EYS: variants seen among roughly 807,000 people sequenced by gnomAD.
The protein encoded by EYS is EGF-like photoreceptor maintenance factor, also known as protein eyes shut homolog.
EYS carries 250 observed loss-of-function variants against 282.1 expected under a neutral mutation model. That is an observed-to-expected ratio of 0.89 (90% CI 0.80 to 0.98). The LOEUF is 0.98. Ranked by LOEUF, EYS falls within the 50% of genes least tolerant of loss-of-function variation. The pLI is 0.00. For missense variants in EYS, 4,016 were observed against 3,709.0 expected, an observed-to-expected ratio of 1.08 and a Z score of -2.15; for synonymous variants, 1,355 against 1,282.9, an observed-to-expected ratio of 1.06 and a Z score of -1.20.
chr6:64,590,688 T>C lies in EYS; in HGVS notation c.5179A>G (p.Lys1727Glu), dbSNP rs935326039. Reference sequence around the variant, plus strand: ...AACAGTGTATGAGATCCTTTACTTTTTTCCATGTCCAATAAGCTCTCTTGA... The same window carrying C: ...AACAGTGTATGAGATCCTTTACTTTCTTCCATGTCCAATAAGCTCTCTTGA... ...LNQESLLDME[K>E]SKGSHTLFKL... Residue 1727 changes from lysine to glutamate, a missense_variant, in exon 26 of 43, where the codon AAA becomes GAA. Transcript: ENST00000503581. The C allele has an allele frequency of 6.4e-7, 1 of 1,551,270 alleles. No individual in the cohort carries two copies. The highest frequency in any genetic ancestry group is 2.0e-5 in the Admixed American group (1 of 50,974).
intron 12 of EYS, among the ~76,000 whole-genome samples, chr6:65,178,288 C>T (rs746583117): frequency 1.3e-5 from 2 of 151,920 alleles, no homozygotes; most frequent in Non-Finnish European, 2.9e-5. Flanking sequence ...CGTACTGTTC[C>T]CTTTTCTCTA....
At chr6:63,783,560 A>C (rs1770289745) in intron 39 of EYS, among the ~76,000 whole-genome samples, 1 of 152,240 alleles carries the variant, frequency 6.6e-6, no homozygotes, top group African/African-American at 2.4e-5. Flanking sequence ...ATTCTAAATT[A>C]AGACATACAT....
chr6:64,120,994 G>A (rs1428888634), intron 31 of EYS, among the ~76,000 whole-genome samples: 2 of 152,092 alleles, frequency 1.3e-5, no homozygotes, highest in African/African-American at 4.8e-5. Flanking sequence ...TTGCTTGCTT[G>A]TTTTTTGTTT....
At chr6:64,786,694 A>C (rs1774032383) in intron 22 of EYS, among the ~76,000 whole-genome samples, 1 of 152,230 alleles carries the variant, frequency 6.6e-6, no homozygotes, top group Non-Finnish European at 1.5e-5. Flanking sequence ...CATCTGGTCC[A>C]GGTGTTATCT....
chr6:65,067,536 C>T (rs976304273), intron 12 of EYS, among the ~76,000 whole-genome samples: 5 of 151,934 alleles, frequency 3.3e-5, no homozygotes, highest in East Asian at 1.9e-4. Flanking sequence ...ATGGGTGTAT[C>T]AGTTGGGGGT....
chr6:63,805,597 G>A (rs1770884429), intron 37 of EYS, among the ~76,000 whole-genome samples: 1 of 152,146 alleles, frequency 6.6e-6, no homozygotes, highest in African/African-American at 2.4e-5. Context: ...GATTATGAAA[G>A]GTAGCTGATA....
At chr6:63,975,488 T>G (rs1766791626) in intron 35 of EYS, among the ~76,000 whole-genome samples, 1 of 152,082 alleles carries the variant, frequency 6.6e-6, no homozygotes, top group Non-Finnish European at 1.5e-5. Context: ...TTTGTTGTGA[T>G]GCGTTACTTT....
At chr6:64,621,345 CTGA>C (rs1767441734) in intron 23 of EYS, among the ~76,000 whole-genome samples, 1 of 151,998 alleles carries the variant, frequency 6.6e-6, no homozygotes, top group African/African-American at 2.4e-5. Flanking sequence ...TGATTTCTAT[CTGA>C]TGTTATGAAT....
chr6:65,592,371 T>A (rs1765261307), intron 2 of EYS, among the ~76,000 whole-genome samples: 1 of 152,012 alleles, frequency 6.6e-6, no homozygotes, highest in Non-Finnish European at 1.5e-5. Context: ...AATTCAAGTT[T>A]TAATATTTAA....
chr6:64,676,464 C>T (rs894453158), intron 22 of EYS, among the ~76,000 whole-genome samples: 5 of 151,560 alleles, frequency 3.3e-5, no homozygotes, highest in African/African-American at 4.8e-5. Flanking sequence ...TTTAAAATAA[C>T]TTATTCTTTT....
intron 1 of EYS, among the ~76,000 whole-genome samples, chr6:65,652,633 T>C (rs1767697005): frequency 6.6e-6 from 1 of 151,774 alleles, no homozygotes; most frequent in African/African-American, 2.4e-5. Flanking sequence ...AAGATGGAAC[T>C]CTTAGCTAGA....
At chr6:64,890,055 C>A (rs77912540) in intron 18 of EYS, among the ~76,000 whole-genome samples, 1,860 of 149,914 alleles carry the variant, frequency 0.012, 29 homozygotes, top group Non-Finnish European at 0.018. Context: ...GCCCCCCCCC[C>A]CCAAGGTGTG....
chr6:64,539,102 G>A (rs1314295123), intron 26 of EYS, among the ~76,000 whole-genome samples: 1 of 152,140 alleles, frequency 6.6e-6, no homozygotes, highest in East Asian at 1.9e-4. Context: ...CTCAAGTTCT[G>A]TGCATGTTGC....
intron 12 of EYS, among the ~76,000 whole-genome samples, chr6:65,254,211 C>A (rs560454181): frequency 6.6e-6 from 1 of 151,982 alleles, no homozygotes; most frequent in East Asian, 1.9e-4. Flanking sequence ...CCCGCACCCA[C>A]ACACCCTGAT....
chr6:64,763,403 G>A (rs1773224572), intron 22 of EYS, among the ~76,000 whole-genome samples: 1 of 152,050 alleles, frequency 6.6e-6, no homozygotes, highest in South Asian at 2.1e-4. Context: ...GACAGAGCAA[G>A]GGGAGATGTG....
chr6:65,031,084 A>G (rs1177143377), intron 13 of EYS, among the ~76,000 whole-genome samples: 1 of 150,928 alleles, frequency 6.6e-6, no homozygotes, highest in Non-Finnish European at 1.5e-5. Flanking sequence ...TTCAACAAGA[A>G]GACATAACCA....
chr6:64,079,416 A>T (rs987209462), intron 32 of EYS, among the ~76,000 whole-genome samples: 1 of 152,086 alleles, frequency 6.6e-6, no homozygotes, highest in Admixed American at 6.6e-5. Flanking sequence ...TCTTTTAGGC[A>T]TTTTACTCGT....
chr6:64,093,001 T>G (rs1036669990), intron 31 of EYS, among the ~76,000 whole-genome samples: 3 of 152,038 alleles, frequency 2.0e-5, no homozygotes, highest in Non-Finnish European at 4.4e-5. Flanking sequence ...CACCATTTAT[T>G]AAATAGGGAA....
At chr6:64,348,435 A>AAGTC (rs3046621) in intron 29 of EYS, among the ~76,000 whole-genome samples, 150,579 of 151,248 alleles carry the variant, frequency 1, 74,956 homozygotes, top group Middle Eastern at 1. Flanking sequence ...TCTCCCATGG[A>AAGTC]AGCCACTCCC....
Sources: allele counts gnomAD v4.1 joint callset (sites outside exome capture counted in the v4.1 genomes callset), GRCh38; gene constraint gnomAD v4.1.1; transcripts MANE v1.5; gene names NCBI Gene and HGNC (gene_info 2026-07-23, HGNC 2026-07-21).